MYO5B: variants seen among roughly 807,000 people sequenced by gnomAD.
MYO5B encodes the protein unconventional myosin-Vb.
In MYO5B, 143 loss-of-function variants were observed where a neutral mutation model predicts 229.3. That is an observed-to-expected ratio of 0.62 (90% CI 0.54 to 0.72). MYO5B has a LOEUF of 0.72. Among genes scored for constraint, MYO5B ranks in the 30% least tolerant of loss-of-function variants. The pLI is 0.00. For synonymous variants in MYO5B, 918 were observed against 885.2 expected (o/e 1.04, Z -0.66); for missense variants, 2,321 against 2,331.0 (o/e 1.00, Z 0.09).
intron 10 of MYO5B, among the ~76,000 whole-genome samples, chr18:49,972,187 G>T (rs566117637): frequency 6.6e-6 from 1 of 152,192 alleles, no homozygotes; most frequent in Non-Finnish European, 1.5e-5. Context: ...TTTCAAACCA[G>T]ACAAGCCATC....
intron 4 of MYO5B, among the ~76,000 whole-genome samples, chr18:50,025,440 T>A (rs1307818559): frequency 6.6e-6 from 1 of 152,156 alleles, no homozygotes; most frequent in Non-Finnish European, 1.5e-5. Flanking sequence ...CCGGAACTCC[T>A]CAAGGAGGTG....
intron 1 of MYO5B, among the ~76,000 whole-genome samples, chr18:50,138,487 T>C (rs1051281761): frequency 1.3e-5 from 2 of 152,052 alleles, no homozygotes; most frequent in African/African-American, 4.8e-5. Context: ...AAGTGGCAGC[T>C]CAGGAGAGGA....
chr18:50,088,093 C>T (rs1273800659), intron 1 of MYO5B, among the ~76,000 whole-genome samples: 1 of 152,120 alleles, frequency 6.6e-6, no homozygotes, highest in Non-Finnish European at 1.5e-5. Flanking sequence ...GGGAAAGAAG[C>T]CAGCACCTGT....
rs149192133 is a variant in MYO5B, at chr18:50,029,953, C to T, written c.455+6897G>A. 8.5e-3 allele frequency among the ~76,000 whole-genome samples: 1,289 copies of T among 152,300 alleles called. 7 individuals are homozygous for T. The highest frequency in any genetic ancestry group is 0.013 in the Non-Finnish European group (853 of 68,018). ...GCTCAATTAGGAAGCACTCCACATC[C>T]CCAACCTCCCCAAACAATGTAACAG... On this transcript the variant is annotated intron_variant, in intron 4 of 39. Transcript: ENST00000285039.
intron 21 of MYO5B, among the ~76,000 whole-genome samples, 166 bp downstream of exon 21, chr18:49,902,428 G>A (rs2024851857): frequency 1.3e-5 from 2 of 152,206 alleles, no homozygotes; most frequent in Non-Finnish European, 2.9e-5. Flanking sequence ...GGTATCTTTA[G>A]GGGTCACTGA....
In MYO5B at chr18:49,839,483, G is replaced by A. The variant is rs2024031011; in HGVS notation, c.4702-189C>T. On this transcript the variant is annotated intron_variant, in intron 35 of 39. Coordinates refer to ENST00000285039, the MANE Select transcript of MYO5B (RefSeq NM_001080467.3). ...CTCATTGATGACCCTTGAACTTGAA[G>A]GATGTAGAAAAACTCAACATGAGAG... The A allele has an allele frequency of 3.7e-5, 24 of 654,298 alleles. No homozygotes were observed. In the East Asian group the frequency reaches 6.2e-4, roughly 17 times the overall value. 40.5% of individuals were successfully genotyped at this position (654,298 alleles called of 1,614,324 possible). A position where few individuals can be genotyped will look rare whatever the true frequency, so the allele number is the denominator to read the frequency against.
At chr18:50,040,065 C>T in intron 3 of MYO5B, 78 bp downstream of exon 3, 2 of 1,470,694 alleles carry the variant, frequency 1.4e-6, no homozygotes, top group South Asian at 1.1e-5. Context: ...ATGAGGACTC[C>T]TAAGCATTTG....
At chr18:49,919,629 C>G (rs1171111027) in intron 17 of MYO5B, among the ~76,000 whole-genome samples, 2 of 152,212 alleles carry the variant, frequency 1.3e-5, no homozygotes, top group African/African-American at 4.8e-5. Context: ...GATACCTCTT[C>G]ACACCCACCA....
At chr18:50,034,967 T>G (rs1257365149) in intron 4 of MYO5B, among the ~76,000 whole-genome samples, 2 of 152,142 alleles carry the variant, frequency 1.3e-5, no homozygotes, top group African/African-American at 4.8e-5. Flanking sequence ...CCAAACTCTC[T>G]ACTGACAAAT....
intron 1 of MYO5B, among the ~76,000 whole-genome samples, chr18:50,095,174 C>T (rs539082028): frequency 1.3e-5 from 2 of 152,272 alleles, no homozygotes; most frequent in East Asian, 3.9e-4. Context: ...ACAGAGTATC[C>T]CCTCACCAAC....
At chr18:49,881,255 G>A (rs1194935658) in intron 22 of MYO5B, among the ~76,000 whole-genome samples, 1 of 152,062 alleles carries the variant, frequency 6.6e-6, no homozygotes, top group African/African-American at 2.4e-5. Flanking sequence ...TCTTAGGAAG[G>A]CCAAAATCTC....
At chr18:50,053,837 T>C (rs1445772051) in intron 2 of MYO5B, among the ~76,000 whole-genome samples, 1 of 152,212 alleles carries the variant, frequency 6.6e-6, no homozygotes, top group Non-Finnish European at 1.5e-5. Flanking sequence ...TCAGAGGATA[T>C]GGTACACACT....
intron 4 of MYO5B, among the ~76,000 whole-genome samples, chr18:50,028,851 G>A (rs1416301744): frequency 6.6e-6 from 1 of 152,122 alleles, no homozygotes; most frequent in African/African-American, 2.4e-5. Context: ...ATATCTCTTA[G>A]CTTTGTGATT....
chr18:50,077,498 C>CAA (rs1204275912), intron 1 of MYO5B, among the ~76,000 whole-genome samples: 18 of 116,708 alleles, frequency 1.5e-4, no homozygotes, highest in Admixed American at 7.8e-4. Context: ...CACACACACA[C>CAA]ACAAACACAC....
At chr18:49,950,688 A>G (rs528740308) in intron 14 of MYO5B, among the ~76,000 whole-genome samples, 1 of 152,328 alleles carries the variant, frequency 6.6e-6, no homozygotes, top group South Asian at 2.1e-4. Context: ...ATTCTGACCC[A>G]TCAAAAGATG....
intron 5 of MYO5B, among the ~76,000 whole-genome samples, chr18:49,995,678 A>C (rs2025980199): frequency 6.6e-6 from 1 of 152,228 alleles, no homozygotes; most frequent in African/African-American, 2.4e-5. Context: ...GCAATTAAGT[A>C]GTTGGTAAGG....
intron 4 of MYO5B, among the ~76,000 whole-genome samples, chr18:50,020,425 G>T (rs2144357245): frequency 6.6e-6 from 1 of 152,302 alleles, no homozygotes; most frequent in Non-Finnish European, 1.5e-5. Context: ...GAAGAACTCT[G>T]CCTTCTTATG....
chr18:50,051,888 G>A (rs2030403513), intron 2 of MYO5B, among the ~76,000 whole-genome samples: 1 of 152,208 alleles, frequency 6.6e-6, no homozygotes, highest in Non-Finnish European at 1.5e-5. Context: ...AGATTGGGAA[G>A]TTGGTGTTTA....
At chr18:49,888,593 G>C (rs574599612) in intron 22 of MYO5B, among the ~76,000 whole-genome samples, 3 of 152,318 alleles carry the variant, frequency 2.0e-5, no homozygotes, top group Admixed American at 2.0e-4. Flanking sequence ...AAAAGTCAAG[G>C]CTGGGTAGGT....
Sources: gnomAD v4.1 joint callset for allele counts (sites outside exome capture counted in the v4.1 genomes callset) on GRCh38, gnomAD v4.1.1 for gene constraint, MANE v1.5 for transcripts, NCBI Gene and HGNC (gene_info 2026-07-23, HGNC 2026-07-21) for gene names.